The following ERC1 variants were observed in gnomAD, a reference collection of about 807,000 sequenced individuals.
ERC1 encodes the protein RAB6 interacting protein 2.
Under a neutral mutation model 132.0 loss-of-function variants are expected in ERC1, and 56 were observed. That is an observed-to-expected ratio of 0.42 (90% CI 0.34 to 0.53). The LOEUF (loss-of-function observed/expected upper bound fraction) is 0.53, where lower values mean the gene tolerates loss of function less well. Among genes scored for constraint, ERC1 ranks in the 20% least tolerant of loss-of-function variants. ERC1 has a pLI of 0.03. For synonymous variants in ERC1, 478 were observed against 476.1 expected (o/e 1.00, Z -0.05); for missense variants, 1,202 against 1,349.9 (o/e 0.89, Z 1.72).
intron 15 of ERC1, among the ~76,000 whole-genome samples, chr12:1,360,826 T>C (rs1022449427): frequency 1.3e-5 from 2 of 152,156 alleles, no homozygotes; most frequent in Admixed American, 1.3e-4. Flanking sequence ...CTTACACCTG[T>C]AATTCCAGCA....
At chr12:1,354,695 G>C (rs1388710017) in intron 15 of ERC1, among the ~76,000 whole-genome samples, 1 of 152,190 alleles carries the variant, frequency 6.6e-6, no homozygotes, top group Non-Finnish European at 1.5e-5. Context: ...CTGTCATCCA[G>C]GCTGGAGTGC....
chr12:1,109,830 G>C (rs1313758020), intron 4 of ERC1, among the ~76,000 whole-genome samples: 1 of 152,124 alleles, frequency 6.6e-6, no homozygotes, highest in South Asian at 2.1e-4. Flanking sequence ...GGTGTATCAC[G>C]TGAGGTCAGG....
chr12:1,358,074 GT>G (rs1258708309), intron 15 of ERC1, among the ~76,000 whole-genome samples: 1 of 152,076 alleles, frequency 6.6e-6, no homozygotes, highest in African/African-American at 2.4e-5. Context: ...ATTATAGGAT[GT>G]TCTTGTGGTA....
In ERC1 at chr12:1,151,269, G is replaced by A. The variant is rs914443126; in HGVS notation, c.1737+9482G>A. Among the ~76,000 whole-genome samples the A allele has an allele frequency of 2.0e-5, 3 of 152,268 alleles. No individual in the cohort carries two copies. The South Asian group carries it at 6.2e-4, about 32-fold the overall frequency. ...TAAATACTTCAGTGGGGGAGATCAG[G>A]GATTTTACCTTCGGAACATTAAGGT... On this transcript the variant is annotated intron_variant, in intron 8 of 18. Transcript: ENST00000360905.
intron 13 of ERC1, among the ~76,000 whole-genome samples, chr12:1,250,107 C>T (rs1350075681): frequency 6.6e-6 from 1 of 152,160 alleles, no homozygotes; most frequent in East Asian, 1.9e-4. Flanking sequence ...AAAGCAAGCT[C>T]TGTTTTAACC....
intron 17 of ERC1, among the ~76,000 whole-genome samples, chr12:1,411,107 T>A (rs1035235870): frequency 2.6e-5 from 4 of 152,176 alleles, no homozygotes; most frequent in Admixed American, 6.5e-5. Flanking sequence ...CCCTCCCTTT[T>A]CATGGATTGC....
intron 12 of ERC1, among the ~76,000 whole-genome samples, chr12:1,228,038 G>A (rs1294709753): frequency 2.0e-5 from 3 of 152,120 alleles, no homozygotes; most frequent in Non-Finnish European, 4.4e-5. Flanking sequence ...TGGTACCATA[G>A]TGTTTAGATT....
At chr12:1,208,022 G>C (rs1055987471) in intron 12 of ERC1, among the ~76,000 whole-genome samples, 2 of 152,090 alleles carry the variant, frequency 1.3e-5, no homozygotes, top group South Asian at 4.1e-4. Flanking sequence ...TCTGATTACA[G>C]TTTGACACTG....
chr12:1,116,942 C>T (rs1703506552), intron 7 of ERC1, among the ~76,000 whole-genome samples: 1 of 152,168 alleles, frequency 6.6e-6, no homozygotes, highest in Admixed American at 6.5e-5. Flanking sequence ...GTTAGGTATC[C>T]ACCATCTTCA....
chr12:1,352,710 C>T (rs2085124731), intron 15 of ERC1, among the ~76,000 whole-genome samples: 1 of 150,682 alleles, frequency 6.6e-6, no homozygotes, highest in South Asian at 2.1e-4. Context: ...ATAGTGGTCG[C>T]AGACATTTGA....
intron 15 of ERC1, among the ~76,000 whole-genome samples, chr12:1,318,898 G>A (rs1431606469): frequency 6.6e-6 from 1 of 151,966 alleles, no homozygotes; most frequent in Non-Finnish European, 1.5e-5. Context: ...TCAGTGTTTG[G>A]GTGCAGCAGC....
intron 17 of ERC1, among the ~76,000 whole-genome samples, chr12:1,412,504 A>G (rs372755113): frequency 2.0e-5 from 3 of 152,184 alleles, no homozygotes; most frequent in African/African-American, 4.8e-5. Flanking sequence ...TTCAGATTCT[A>G]CCACCACCAT....
chr12:1,176,394 A>G (rs1953722933), intron 8 of ERC1, among the ~76,000 whole-genome samples: 1 of 152,188 alleles, frequency 6.6e-6, no homozygotes. Context: ...ATGGGCTGTG[A>G]TAGAGGCTTC....
At chr12:1,044,517 ATTG>A (rs1970777911) in intron 2 of ERC1, among the ~76,000 whole-genome samples, 1 of 152,196 alleles carries the variant, frequency 6.6e-6, no homozygotes. Context: ...TAATACTTGT[ATTG>A]TTGTTGGAAT....
chr12:1,387,529 C>T (rs1303250261), intron 16 of ERC1, among the ~76,000 whole-genome samples: 2 of 152,196 alleles, frequency 1.3e-5, no homozygotes, highest in Non-Finnish European at 2.9e-5. Context: ...AGAGATCATT[C>T]TTGATTATCC....
At chr12:1,018,958 G>A (rs1965929497) in intron 1 of ERC1, among the ~76,000 whole-genome samples, 1 of 152,136 alleles carries the variant, frequency 6.6e-6, no homozygotes, top group Non-Finnish European at 1.5e-5. Flanking sequence ...AGTTGATGGG[G>A]CAGAAGAAGG....
chr12:1,328,626 C>G (rs1018805767), intron 15 of ERC1, among the ~76,000 whole-genome samples: 3 of 146,868 alleles, frequency 2.0e-5, no homozygotes, highest in Admixed American at 2.0e-4. Context: ...CTCTCTCTTT[C>G]GCTTCCCCCT....
intron 16 of ERC1, among the ~76,000 whole-genome samples, chr12:1,384,976 A>G (rs1056927406): frequency 6.6e-6 from 1 of 152,244 alleles, no homozygotes; most frequent in Non-Finnish European, 1.5e-5. Flanking sequence ...TTCATTAGAA[A>G]TATACAAAGA....
Position 1,341,069 on chromosome 12 carries a change from CTTTTTTTTTTTTTTTTTTTTTTTTTTTTT to C in ERC1, c.2781-30750_2781-30722del, listed in dbSNP as rs35902573. Among the ~76,000 whole-genome samples, 7 of 63,158 alleles carry C rather than the reference CTTTTTTTTTTTTTTTTTTTTTTTTTTTTT, an allele frequency of 1.1e-4. No individual in the cohort carries two copies. In the Admixed American group the frequency reaches 1.4e-3, roughly 13 times the overall value. 41.4% of individuals were successfully genotyped at this position (63,158 alleles called of 152,430 possible). A position where few individuals can be genotyped will look rare whatever the true frequency, so the allele number is the denominator to read the frequency against. ...AATGTCCACTTATTCTTTTCTTTTT[CTTTTTTTTTTTTTTTTTTTTTTTTTTTTT>C]TTTTTTTTTTTTTGAGGCAGAGTCT... On this transcript the variant is annotated intron_variant, in intron 15 of 18. Transcript: ENST00000360905.
Sources: gnomAD v4.1 joint callset for allele counts (sites outside exome capture counted in the v4.1 genomes callset) on GRCh38, gnomAD v4.1.1 for gene constraint, MANE v1.5 for transcripts, NCBI Gene and HGNC (gene_info 2026-07-23, HGNC 2026-07-21) for gene names.